SSH2: variants seen among roughly 807,000 people sequenced by gnomAD.
The protein encoded by SSH2 is protein phosphatase Slingshot homolog 2.
SSH2 carries 37 observed loss-of-function variants against 135.2 expected under a neutral mutation model. The ratio of observed to expected loss-of-function variants is 0.27; its 90% CI spans 0.21 to 0.36. The LOEUF (loss-of-function observed/expected upper bound fraction) is 0.36. Among genes scored for constraint, SSH2 ranks in the 10% least tolerant of loss-of-function variants. The pLI is 1.00. For synonymous variants in SSH2, 628 were observed against 646.2 expected (o/e 0.97, Z 0.43); for missense variants, 1,408 against 1,765.3 (o/e 0.80, Z 3.63).
intron 3 of SSH2, among the ~76,000 whole-genome samples, chr17:29,782,866 A>T (rs944367156): frequency 6.6e-6 from 1 of 152,138 alleles, no homozygotes; most frequent in African/African-American, 2.4e-5. Context: ...GATTACAGGC[A>T]TGCGCCACTA....
intron 2 of SSH2, among the ~76,000 whole-genome samples, chr17:29,798,102 T>G (rs1348545004): frequency 6.6e-6 from 1 of 152,160 alleles, no homozygotes; most frequent in East Asian, 1.9e-4. Flanking sequence ...GGCAATTCTT[T>G]TCCCCTATGG....
chr17:29,745,776 C>G (rs1330395011), intron 3 of SSH2, among the ~76,000 whole-genome samples: 2 of 152,018 alleles, frequency 1.3e-5, no homozygotes, highest in Non-Finnish European at 2.9e-5. Flanking sequence ...TTTAAGCTAC[C>G]ATATCGTATT....
intron 14 of SSH2, among the ~76,000 whole-genome samples, chr17:29,646,985 G>C (rs1010578444): frequency 6.6e-6 from 1 of 150,460 alleles, no homozygotes; most frequent in African/African-American, 2.4e-5. Context: ...TTTTTAAAGA[G>C]TCGGCCAGGC....
At chr17:29,821,191 T>A (rs2042644587) in intron 2 of SSH2, among the ~76,000 whole-genome samples, 1 of 152,230 alleles carries the variant, frequency 6.6e-6, no homozygotes, top group South Asian at 2.1e-4. Flanking sequence ...AAAGTCCTGT[T>A]CTTTCTTCTC....
At chr17:29,769,506 T>G (rs1399810236) in intron 3 of SSH2, among the ~76,000 whole-genome samples, 1 of 152,234 alleles carries the variant, frequency 6.6e-6, no homozygotes, top group Non-Finnish European at 1.5e-5. Context: ...ATTTCAAACT[T>G]GTATTCATCA....
intron 3 of SSH2, among the ~76,000 whole-genome samples, chr17:29,745,132 A>C (rs917643696): frequency 6.6e-6 from 1 of 151,696 alleles, no homozygotes; most frequent in African/African-American, 2.4e-5. Context: ...ATATACCCAA[A>C]GTATGCTCAA....
At chr17:29,641,563 G>A (rs1056650458) in intron 14 of SSH2, 3 of 151,772 alleles carry the variant, frequency 2.0e-5, no homozygotes, top group Non-Finnish European at 4.4e-5. Context: ...GGAAATAATT[G>A]GCCTTTTACC....
intron 3 of SSH2, among the ~76,000 whole-genome samples, chr17:29,754,090 A>G (rs1467521940): frequency 6.6e-6 from 1 of 152,200 alleles, no homozygotes; most frequent in African/African-American, 2.4e-5. Context: ...TTGTTATGCT[A>G]TAAAATGTGG....
chr17:29,651,365 A>G (rs2036571658), intron 12 of SSH2, among the ~76,000 whole-genome samples: 1 of 152,254 alleles, frequency 6.6e-6, no homozygotes, highest in Non-Finnish European at 1.5e-5. Flanking sequence ...GAAGGGTCAG[A>G]GAAAAGCCGG....
Position 29,659,534 on chromosome 17 carries a change from T to C in SSH2, c.1033-3927A>G, listed in dbSNP as rs574716494. Among the ~76,000 whole-genome samples the C allele has an allele frequency of 1.1e-4, 16 of 152,328 alleles. No homozygotes were observed. The South Asian group carries it at 1.4e-3, about 14-fold the overall frequency. ...TGAAAAGGCAGACATTTTATTTTAT[T>C]TTATTTTTGAGACGAGACTTGCTCT... On this transcript the variant is annotated intron_variant, in intron 11 of 15. Coordinates refer to ENST00000540801, the MANE Select transcript of SSH2 (RefSeq NM_001282129.2).
In SSH2 at chr17:29,929,968, G is replaced by C; in HGVS notation, c.33C>G (p.Thr11=). Residue 11 remains threonine (T), a synonymous_variant, in exon 1 of 16, where the codon ACC becomes ACG. Coordinates refer to ENST00000540801, the MANE Select transcript of SSH2 (RefSeq NM_001282129.2). ...CGCAGGGGCTGGAGGTGGTGCTGGGGGTAGGTGACCGCTGGACCGTGACCA... is the reference window on the plus strand; with the variant it reads ...CGCAGGGGCTGGAGGTGGTGCTGGGCGTAGGTGACCGCTGGACCGTGACCA... MALVTVQRSP[T]PSTTSSPCAS... 1.2e-6 allele frequency: 2 copies of C among 1,604,224 alleles called. No homozygotes were observed. Among genetic ancestry groups the C allele is most frequent in the African/African-American group, 1.3e-5 (1 of 74,844 alleles).
chr17:29,883,539 A>T (rs1438934912), intron 1 of SSH2, among the ~76,000 whole-genome samples: 1 of 152,238 alleles, frequency 6.6e-6, no homozygotes, highest in Non-Finnish European at 1.5e-5. Context: ...TTATCTATGC[A>T]TGATGAATTG....
At chr17:29,657,049 C>T (rs114700042) in intron 11 of SSH2, among the ~76,000 whole-genome samples, 1,693 of 152,282 alleles carry the variant, frequency 0.011, 33 homozygotes, top group African/African-American at 0.037. Flanking sequence ...TCACTGTAAC[C>T]TCCACTGCCA....
At chr17:29,739,745 T>C (rs2040493990) in intron 3 of SSH2, among the ~76,000 whole-genome samples, 1 of 152,208 alleles carries the variant, frequency 6.6e-6, no homozygotes, top group South Asian at 2.1e-4. Flanking sequence ...TGACTTCCCA[T>C]TAAAAAACCC....
intron 2 of SSH2, among the ~76,000 whole-genome samples, chr17:29,847,038 G>A (rs1017987789): frequency 2.6e-5 from 4 of 152,096 alleles, no homozygotes; most frequent in African/African-American, 9.7e-5. Context: ...TTGTGAAGTA[G>A]GATTCATTCT....
Position 29,761,362 on chromosome 17 carries a change from CGGA to C in SSH2, c.188+32529_188+32531del. On this transcript the variant is annotated intron_variant, in intron 3 of 15. Coordinates refer to ENST00000540801, the MANE Select transcript of SSH2 (RefSeq NM_001282129.2). ...CGCAGGCTGCGCGTGCACCCGGCGG[CGGA>C]GGCGGGCCCGCCGGGTCGCGCGGAG... 4.7e-6 allele frequency: 5 copies of C among 1,070,322 alleles called. No homozygotes were observed. In the South Asian group the frequency reaches 9.1e-5, roughly 19 times the overall value. 66.3% of individuals were successfully genotyped at this position (1,070,322 alleles called of 1,614,324 possible).
chr17:29,691,564 C>T (rs563948907), intron 5 of SSH2, among the ~76,000 whole-genome samples: 2 of 151,844 alleles, frequency 1.3e-5, no homozygotes, highest in African/African-American at 4.8e-5. Flanking sequence ...GATCTCGGCT[C>T]ACTGAAAGCT....
chr17:29,827,103 T>C (rs1438622668), intron 2 of SSH2, among the ~76,000 whole-genome samples: 2 of 152,206 alleles, frequency 1.3e-5, no homozygotes, highest in Non-Finnish European at 2.9e-5. Context: ...GCCAGGTCAA[T>C]TGTAAAAATA....
chr17:29,868,695 GC>G (rs2065893999), intron 1 of SSH2, among the ~76,000 whole-genome samples: 2 of 148,390 alleles, frequency 1.3e-5, no homozygotes, highest in South Asian at 4.2e-4. Context: ...CTGAGATCGT[GC>G]CACTGCACTC....
Sources: allele counts gnomAD v4.1 joint callset (sites outside exome capture counted in the v4.1 genomes callset), GRCh38; gene constraint gnomAD v4.1.1; transcripts MANE v1.5; gene names NCBI Gene and HGNC (gene_info 2026-07-23, HGNC 2026-07-21).